The following PRSS3 variants were observed in gnomAD, a reference collection of about 807,000 sequenced individuals.
The protein encoded by PRSS3 is trypsin-3.
Under a neutral mutation model 20.8 loss-of-function variants are expected in PRSS3, and 14 were observed. That is an observed-to-expected ratio of 0.67 (90% CI 0.44 to 1.05). The LOEUF is 1.05. Ranked by LOEUF, PRSS3 falls within the 50% of genes least tolerant of loss-of-function variation. The pLI, the probability that PRSS3 is intolerant of heterozygous loss-of-function variation, is 0.00. For synonymous variants in PRSS3, 91 were observed against 117.6 expected, an observed-to-expected ratio of 0.77 and a Z score of 1.46; for missense variants, 237 against 306.4, an observed-to-expected ratio of 0.77 and a Z score of 1.69.
At chr9:33,764,607 G>T (rs2380865) in intron 1 of PRSS3, among the ~76,000 whole-genome samples, 1 of 152,050 alleles carries the variant, frequency 6.6e-6, no homozygotes, top group Non-Finnish European at 1.5e-5. Flanking sequence ...CATAGAAGTG[G>T]GTTTTCTGAC....
rs181023020 is a variant in PRSS3, at chr9:33,782,295, T to C, written c.-52-12451T>C. On this transcript the variant is annotated intron_variant, in intron 1 of 5. Transcript: ENST00000342836. Reference sequence around the variant, plus strand: ...AGTAATTTCTCTGGCTTTAGACTCTTGCTTACACTATTAAAGGAGGTAATT... The same window carrying C: ...AGTAATTTCTCTGGCTTTAGACTCTCGCTTACACTATTAAAGGAGGTAATT... 5.6e-4 allele frequency among the ~76,000 whole-genome samples: 86 copies of C among 152,312 alleles called. 1 individual carries two copies. The highest frequency in any genetic ancestry group is 6.2e-4 in the South Asian group (3 of 4,828).
chr9:33,756,530 TAGAC>T (rs911384186), intron 1 of PRSS3, among the ~76,000 whole-genome samples: 20 of 152,332 alleles, frequency 1.3e-4, no homozygotes, highest in African/African-American at 4.8e-4. Flanking sequence ...TTAAATTACT[TAGAC>T]TGAATCTGAA....
intron 1 of PRSS3, among the ~76,000 whole-genome samples, chr9:33,760,179 A>AG (rs1055537290): frequency 3.7e-5 from 5 of 135,470 alleles, no homozygotes; most frequent in African/African-American, 1.3e-4. Flanking sequence ...AATATATGTA[A>AG]GGTTTTTTTT....
At chr9:33,767,048 G>A (rs10971690) in intron 1 of PRSS3, among the ~76,000 whole-genome samples, 33,016 of 151,524 alleles carry the variant, frequency 0.22, 3,765 homozygotes, top group Middle Eastern at 0.24. Context: ...AGGAAAAACT[G>A]TCACAGAAAT....
intron 1 of PRSS3, among the ~76,000 whole-genome samples, chr9:33,785,238 C>T (rs1436699918): frequency 5.5e-5 from 7 of 127,394 alleles, no homozygotes; most frequent in East Asian, 2.3e-4. Flanking sequence ...AGTGCAGTGG[C>T]GCAATCTTGG....
rs374021800 is a variant in PRSS3, at chr9:33,761,505, G to C, written c.-53+10778G>C. Among the ~76,000 whole-genome samples the C allele has an allele frequency of 9.0e-4, 137 of 152,154 alleles. 1 individual carries two copies. The South Asian group carries it at 0.021, about 24-fold the overall frequency. On this transcript the variant is annotated intron_variant, in intron 1 of 5. Transcript: ENST00000342836. ...GCAGATCATGTGAGGTTGGGAGTTC[G>C]AGACCAGCCTGACCAACATGGAGAA...
chr9:33,792,747 GAA>G (rs1487931002), upstream of PRSS3, among the ~76,000 whole-genome samples: 4 of 152,144 alleles, frequency 2.6e-5, no homozygotes, highest in East Asian at 7.7e-4. Flanking sequence ...AATGTAAAAT[GAA>G]GAAAAAATTC....
intron 1 of PRSS3, among the ~76,000 whole-genome samples, chr9:33,783,540 T>G (rs1824262706): frequency 6.6e-6 from 1 of 152,242 alleles, no homozygotes; most frequent in South Asian, 2.1e-4. Context: ...GGTGGGTACA[T>G]GCATGTTCAC....
intron 1 of PRSS3, among the ~76,000 whole-genome samples, chr9:33,772,565 A>C (rs1480141558): frequency 6.6e-6 from 1 of 152,162 alleles, no homozygotes; most frequent in African/African-American, 2.4e-5. Context: ...ATTTTATTTT[A>C]ATTTTTTTGT....
chr9:33,766,263 CAAAAAAA>C (rs67834191), intron 1 of PRSS3, among the ~76,000 whole-genome samples: 10 of 72,798 alleles, frequency 1.4e-4, no homozygotes, highest in South Asian at 8.1e-4. Context: ...GATTCCGTCT[CAAAAAAA>C]AAAAAAAAAA....
At chr9:33,783,069 T>C (rs1187041038) in intron 1 of PRSS3, among the ~76,000 whole-genome samples, 1 of 152,216 alleles carries the variant, frequency 6.6e-6, no homozygotes, top group Non-Finnish European at 1.5e-5. Context: ...TACACACAAC[T>C]TGAACAAATC....
upstream of PRSS3, among the ~76,000 whole-genome samples, chr9:33,791,164 T>C (rs1824615132): frequency 6.6e-6 from 1 of 152,206 alleles, no homozygotes; most frequent in Non-Finnish European, 1.5e-5. Flanking sequence ...AAGGTACACA[T>C]GTCATGTGCC....
intron 1 of PRSS3, chr9:33,786,428 G>C (rs1406581711): frequency 1.0e-5 from 7 of 683,040 alleles, no homozygotes; most frequent in African/African-American, 1.8e-5. Context: ...CAGTGCCCTG[G>C]GGTCCTTTGG....
intron 1 of PRSS3, among the ~76,000 whole-genome samples, chr9:33,789,495 T>C (rs1824542048): frequency 6.6e-6 from 1 of 152,184 alleles, no homozygotes; most frequent in Non-Finnish European, 1.5e-5. Context: ...CTAGGATTAG[T>C]TTTCTAGCTC....
At chr9:33,775,535 A>T (rs1321346467) in intron 1 of PRSS3, among the ~76,000 whole-genome samples, 1 of 152,148 alleles carries the variant, frequency 6.6e-6, no homozygotes. Flanking sequence ...TATTGAAGTG[A>T]GCTCTTCACG....
At chr9:33,794,082 G>A (rs1487041352), upstream of PRSS3, among the ~76,000 whole-genome samples, 1 of 152,186 alleles carries the variant, frequency 6.6e-6, no homozygotes, top group Non-Finnish European at 1.5e-5. Flanking sequence ...TACTCTGTGT[G>A]TCCTCTCAAC....
rs1158101329 is a variant in PRSS3, at chr9:33,798,046, C to T, written c.418C>T (p.Leu140Phe). 1 of 1,614,142 alleles carries T rather than the reference C, an allele frequency of 6.2e-7. No individual in the cohort carries two copies. Among genetic ancestry groups the T allele is most frequent in the East Asian group, 2.2e-5 (1 of 44,902 alleles). ...CCCTCCAGCTGCTGGCACTGAGTGC[C>T]TCATCTCCGGCTGGGGCAACACTCT... is the stretch of plus-strand genomic sequence containing the variant. ...TTPPAAGTEC[L>F]ISGWGNTLSF... Residue 140 changes from leucine to phenylalanine, a missense_variant, in exon 3 of 5, where the codon CTC becomes TTC. By Grantham distance (22) the Leu-to-Phe change is conservative (BLOSUM62 0). Coordinates refer to ENST00000379405, the MANE Select transcript of PRSS3 (RefSeq NM_002771.4).
intron 1 of PRSS3, among the ~76,000 whole-genome samples, chr9:33,755,956 G>A (rs1299068007): frequency 2.6e-5 from 4 of 152,096 alleles, no homozygotes; most frequent in South Asian, 4.1e-4. Flanking sequence ...ACATACATAC[G>A]CACTTTTTTT....
chr9:33,797,464 C>T (rs760002786), intron 2 of PRSS3, among the ~76,000 whole-genome samples: 3 of 152,232 alleles, frequency 2.0e-5, no homozygotes, highest in East Asian at 3.8e-4. Context: ...AGGCGCTGTG[C>T]GCAGTTAGCA....
Sources: allele counts gnomAD v4.1 joint callset (sites outside exome capture counted in the v4.1 genomes callset), GRCh38; gene constraint gnomAD v4.1.1; transcripts MANE v1.5; gene names NCBI Gene and HGNC (gene_info 2026-07-23, HGNC 2026-07-21).